PRDM10: variants seen among roughly 807,000 people sequenced by gnomAD.
PRDM10 encodes PR/SET domain 10.
PRDM10 carries 65 observed loss-of-function variants against 133.1 expected under a neutral mutation model. That is an observed-to-expected ratio of 0.49 (90% CI 0.40 to 0.60). The LOEUF is 0.60. Among genes scored for constraint, PRDM10 ranks in the 20% least tolerant of loss-of-function variants. PRDM10 has a pLI of 0.00. For missense variants in PRDM10, 1,137 were observed against 1,507.1 expected, an observed-to-expected ratio of 0.75 and a Z score of 4.07; for synonymous variants, 582 against 580.4, an observed-to-expected ratio of 1.00 and a Z score of -0.04.
intron 1 of PRDM10, among the ~76,000 whole-genome samples, chr11:129,983,179 T>C (rs1052250315): frequency 6.6e-6 from 1 of 151,792 alleles, no homozygotes; most frequent in Non-Finnish European, 1.5e-5. Context: ...GTTTTCGCCA[T>C]GTTGGCCAGA....
At chr11:129,991,386 A>C (rs766282259) in intron 1 of PRDM10, among the ~76,000 whole-genome samples, 6 of 152,214 alleles carry the variant, frequency 3.9e-5, no homozygotes, top group Non-Finnish European at 7.3e-5. Flanking sequence ...CAAAATTTTA[A>C]AACTATGTGA....
At chr11:129,990,617 T>C (rs779186446) in intron 1 of PRDM10, among the ~76,000 whole-genome samples, 1 of 151,772 alleles carries the variant, frequency 6.6e-6, no homozygotes, top group Admixed American at 6.6e-5. Flanking sequence ...AACACGTTAA[T>C]GTGGTCCTCA....
intron 1 of PRDM10, among the ~76,000 whole-genome samples, chr11:129,988,286 TGTG>T (rs1299924948): frequency 1.3e-5 from 2 of 152,212 alleles, no homozygotes; most frequent in Non-Finnish European, 2.9e-5. Context: ...TAAAATTGAT[TGTG>T]GTGACAGTGA....
At chr11:129,984,523 C>G (rs1008525736) in intron 1 of PRDM10, among the ~76,000 whole-genome samples, 6 of 152,240 alleles carry the variant, frequency 3.9e-5, no homozygotes, top group Admixed American at 1.3e-4. Flanking sequence ...TCGGCCTCGG[C>G]CCACCCTACT....
chr11:130,001,766 C>T (rs1005922863), intron 1 of PRDM10, among the ~76,000 whole-genome samples: 2 of 152,182 alleles, frequency 1.3e-5, no homozygotes. Flanking sequence ...TGGCGAGGGG[C>T]TGGAGAGGTG....
At chr11:129,993,245 C>G (rs1410570608) in intron 1 of PRDM10, among the ~76,000 whole-genome samples, 1 of 152,182 alleles carries the variant, frequency 6.6e-6, no homozygotes, top group Non-Finnish European at 1.5e-5. Flanking sequence ...TCTGAAGTGG[C>G]TGTTCAAGAC....
chr11:129,994,391 A>G (rs149378256), intron 1 of PRDM10, among the ~76,000 whole-genome samples: 1,533 of 150,360 alleles, frequency 0.01, 31 homozygotes, highest in African/African-American at 0.035. Flanking sequence ...GCTTGAACCC[A>G]GAAGGCAGAG....
rs113169112 is a variant in PRDM10, at chr11:129,910,533, TCTG to T, written c.3103_3105del (p.Gln1035del). 2.9e-4 allele frequency: 460 copies of T among 1,581,944 alleles called. No homozygotes were observed. Among genetic ancestry groups the T allele is most frequent in the East Asian group, 8.5e-4 (37 of 43,560 alleles). On this transcript the variant is annotated inframe_deletion, in exon 19 of 21. Transcript: ENST00000360871. ...AGGTACGTGTGCTGCACAGAGGAAT[TCTG>T]CTGCTGCTGCTGCTGCTGCTGCAGA...
In PRDM10 at chr11:129,918,762, G is replaced by C. The variant is rs778486146; in HGVS notation, c.2035-44C>G. On this transcript the variant is annotated intron_variant, in intron 13 of 20. Coordinates refer to ENST00000360871, the MANE Select transcript of PRDM10 (RefSeq NM_199437.2). The surrounding 1 kb of genome is among the most constrained non-coding windows in gnomAD (Gnocchi z 5.3). The stretch of plus-strand genomic sequence containing the variant: ...TGAAAACGGGGTAGACACGGGGGTA[G>C]AAAATTTTTAACTGAAGGGATCATT... 3 of 1,521,858 alleles carry C rather than the reference G, an allele frequency of 2.0e-6. No individual in the cohort carries two copies. Among genetic ancestry groups the C allele is most frequent in the South Asian group, 1.2e-5 (1 of 82,810 alleles). The allele number at this position is 1,521,858 out of a possible 1,614,324, so 94.3% of individuals were successfully genotyped here.
chr11:129,914,092 C>T (rs1376836704), intron 17 of PRDM10, among the ~76,000 whole-genome samples: 1 of 152,148 alleles, frequency 6.6e-6, no homozygotes, highest in Non-Finnish European at 1.5e-5. Flanking sequence ...ACCTCCGCCT[C>T]CCAGGTTCAA....
chr11:129,929,352 C>T (rs1950778427), intron 11 of PRDM10: 2 of 1,522,878 alleles, frequency 1.3e-6, no homozygotes, highest in South Asian at 1.3e-5. Context: ...TTGCAAAGAA[C>T]AGCAGGTCAG....
Position 129,912,618 on chromosome 11 carries a change from G to A in PRDM10, c.2842-393C>T, listed in dbSNP as rs888614089. The stretch of plus-strand genomic sequence containing the variant: ...TACAAAAAAATTAGCTGGGTGTGGC[G>A]GCAGGCACCTGTAGTCCCAGCTACT... On this transcript the variant is annotated intron_variant, in intron 17 of 20. Coordinates refer to ENST00000360871, the MANE Select transcript of PRDM10 (RefSeq NM_199437.2). Among the ~76,000 whole-genome samples the A allele has an allele frequency of 2.6e-5, 4 of 152,222 alleles. 1 individual carries two copies. The highest frequency in any genetic ancestry group is 3.9e-4 in the East Asian group (2 of 5,174).
In PRDM10 at chr11:129,945,715, C is replaced by T. The variant is rs112210464; in HGVS notation, c.521-703G>A. Among the ~76,000 whole-genome samples the T allele has an allele frequency of 0.013, 1,928 of 152,256 alleles. 37 individuals carry two copies. The highest frequency in any genetic ancestry group is 0.043 in the African/African-American group (1,782 of 41,542). On this transcript the variant is annotated intron_variant, in intron 5 of 20. Coordinates refer to ENST00000360871, the MANE Select transcript of PRDM10 (RefSeq NM_199437.2). This position sits in a 1 kb window ranked among gnomAD's most constrained non-coding sequence, Gnocchi z 4.2. ...CCCACCTGTAAGCTAACCGCCAGAA[C>T]GAGACAGGTACAGCCCCAAAACGGA...
intron 9 of PRDM10, among the ~76,000 whole-genome samples, chr11:129,933,251 T>G (rs749039509): frequency 4.6e-5 from 7 of 152,246 alleles, no homozygotes; most frequent in Non-Finnish European, 1.0e-4. Flanking sequence ...AGACTCTTCA[T>G]GTTGGAAAAT....
chr11:129,985,567 G>C (rs1591696015), intron 1 of PRDM10, among the ~76,000 whole-genome samples: 1 of 151,728 alleles, frequency 6.6e-6, no homozygotes, highest in African/African-American at 2.4e-5. Flanking sequence ...CGAAGTGGGA[G>C]GACTGCTTGA....
At chr11:129,931,949 G>A (rs1950882203) in intron 10 of PRDM10, among the ~76,000 whole-genome samples, 153 bp downstream of exon 10, 2 of 152,142 alleles carry the variant, frequency 1.3e-5, no homozygotes, top group African/African-American at 4.8e-5. Context: ...TTCTTTTCTG[G>A]CATTATCCAA....
chr11:129,942,652 C>G, intron 6 of PRDM10, 23 bp from the exon 7 acceptor site: 1 of 1,576,670 alleles, frequency 6.3e-7, no homozygotes, highest in Admixed American at 1.8e-5. Flanking sequence ...AAAGCCACAC[C>G]AAAAACAAAA....
chr11:129,986,543 T>C (rs1024677213), intron 1 of PRDM10, among the ~76,000 whole-genome samples: 2 of 152,150 alleles, frequency 1.3e-5, no homozygotes, highest in Non-Finnish European at 1.5e-5. Context: ...TGCAGCACCA[T>C]GGCCGGCTAA....
At chr11:129,916,190 C>G (rs954675129) in intron 15 of PRDM10, among the ~76,000 whole-genome samples, 24 of 152,176 alleles carry the variant, frequency 1.6e-4, no homozygotes, top group African/African-American at 5.6e-4. Flanking sequence ...GCCCATCCAC[C>G]TCATATGAGA....
Sources: allele counts gnomAD v4.1 joint callset (sites outside exome capture counted in the v4.1 genomes callset), GRCh38; gene constraint gnomAD v4.1.1; non-coding constraint Gnocchi (gnomAD v3.1); transcripts MANE v1.5; gene names NCBI Gene and HGNC (gene_info 2026-07-23, HGNC 2026-07-21).